Variants in HPCAL1 observed in about 807,000 individuals in gnomAD.
HPCAL1 encodes hippocalcin like 1.
A neutral mutation model predicts 17.1 loss-of-function variants in HPCAL1; 8 were observed. The observed-to-expected ratio is 0.47, with a 90% CI of 0.27 to 0.84. HPCAL1 has a LOEUF of 0.84. Ranked by LOEUF, HPCAL1 falls within the 40% of genes least tolerant of loss-of-function variation. The pLI is 0.13. For missense variants in HPCAL1, 165 were observed against 271.1 expected (o/e 0.61, Z 2.75); for synonymous variants, 112 against 111.4 (o/e 1.01, Z -0.03).
chr2:10,365,160 A>C lies in HPCAL1; in HGVS notation c.-110-31675A>C, dbSNP rs978357908. 6.6e-6 allele frequency among the ~76,000 whole-genome samples: 1 copy of C among 152,164 alleles called. No individual in the cohort carries two copies. Among genetic ancestry groups the C allele is most frequent in the South Asian group, 2.1e-4 (1 of 4,832 alleles). On this transcript the variant is annotated intron_variant, in intron 1 of 4. Coordinates refer to ENST00000307845, the MANE Select transcript of HPCAL1 (RefSeq NM_002149.4). This position sits in a 1 kb window ranked among gnomAD's most constrained non-coding sequence, Gnocchi z 4.8. Reference sequence around the variant, plus strand: ...ACCACCCGCCCTGAGTTCTGAACTTAGCCACCTCATGTACGGAAGGAGAAA... The same window carrying C: ...ACCACCCGCCCTGAGTTCTGAACTTCGCCACCTCATGTACGGAAGGAGAAA...
chr2:10,334,128 C>T (rs146436096), intron 1 of HPCAL1, among the ~76,000 whole-genome samples: 267 of 152,300 alleles, frequency 1.8e-3, no homozygotes, highest in African/African-American at 6.0e-3. Flanking sequence ...GCGCGTTTTA[C>T]GCTCTTGCTA....
At chr2:10,348,490 G>A (rs547879491) in intron 1 of HPCAL1, among the ~76,000 whole-genome samples, 2 of 151,832 alleles carry the variant, frequency 1.3e-5, no homozygotes, top group South Asian at 2.1e-4. Context: ...TGGGCCAGCT[G>A]TGGTGGTTCA....
chr2:10,411,340 C>T (rs1428303888), intron 2 of HPCAL1, among the ~76,000 whole-genome samples: 1 of 152,200 alleles, frequency 6.6e-6, no homozygotes, highest in Non-Finnish European at 1.5e-5. Context: ...CCCACCGAAG[C>T]CTCGGTCCCT....
At chr2:10,346,531 C>T (rs957162064) in intron 1 of HPCAL1, among the ~76,000 whole-genome samples, 3 of 152,118 alleles carry the variant, frequency 2.0e-5, no homozygotes, top group African/African-American at 7.2e-5. Flanking sequence ...TCTAGGTCTC[C>T]GTGCAGGCAT....
At chr2:10,339,374 C>T (rs547340915) in intron 1 of HPCAL1, among the ~76,000 whole-genome samples, 34 of 151,440 alleles carry the variant, frequency 2.2e-4, no homozygotes, top group South Asian at 8.3e-4. Context: ...GGTGCGATCT[C>T]GGCTCACTGC....
intron 1 of HPCAL1, among the ~76,000 whole-genome samples, chr2:10,389,284 G>T (rs762588711): frequency 6.6e-6 from 1 of 152,188 alleles, no homozygotes; most frequent in Non-Finnish European, 1.5e-5. Context: ...TTGCAGTGCC[G>T]CCTCTGAGCT....
rs2148052539 is a variant in HPCAL1 at position 10,426,052 on chromosome 2, CG to C, written c.485-671del. 5 of 152,518 alleles carry C rather than the reference CG, an allele frequency of 3.3e-5. No individual in the cohort carries two copies. In the South Asian group the frequency reaches 1.0e-3, roughly 32 times the overall value. The allele number at this position is 152,518 out of a possible 1,614,324, so 9.4% of individuals were successfully genotyped here. On this transcript the variant is annotated intron_variant, in intron 4 of 4. Coordinates refer to ENST00000307845, the MANE Select transcript of HPCAL1 (RefSeq NM_002149.4). ...AAAACCTCACCCCACCCAGCTCAGC[CG>C]ATCAGCCTTACGGAGCCCTGCCCTA...
chr2:10,326,535 G>A (rs529410016), intron 1 of HPCAL1, among the ~76,000 whole-genome samples: 55 of 152,312 alleles, frequency 3.6e-4, no homozygotes, highest in African/African-American at 1.2e-3. Flanking sequence ...CCTGCCTTCC[G>A]CTTCCGTGCC....
At chr2:10,326,925 C>T (rs1664054807) in intron 1 of HPCAL1, among the ~76,000 whole-genome samples, 1 of 152,168 alleles carries the variant, frequency 6.6e-6, no homozygotes, top group Admixed American at 6.5e-5. Flanking sequence ...CTGTGCCCCA[C>T]ATGCCCCGGC....
Position 10,331,790 on chromosome 2 carries a change from C to T in HPCAL1, c.-111+28613C>T, listed in dbSNP as rs1664399361. 6.6e-6 allele frequency among the ~76,000 whole-genome samples: 1 copy of T among 152,136 alleles called. No individual in the cohort carries two copies. The highest frequency in any genetic ancestry group is 1.5e-5 in the Non-Finnish European group (1 of 68,030). ...GCCATCAACTGCTTGGTGACATTGG[C>T]CAATCCTGTGGTGGCCCCAGCTGGG... On this transcript the variant is annotated intron_variant, in intron 1 of 4. Transcript: ENST00000307845. The surrounding 1 kb of genome is among the most constrained non-coding windows in gnomAD (Gnocchi z 5.0).
chr2:10,309,046 T>C lies in HPCAL1; in HGVS notation c.-111+5869T>C, dbSNP rs553706842. Reference sequence around the variant, plus strand: ...AGACCCTGCTTCTTAACAAACTTTTTTTTTTTGAGATAGGGTCTTGCTCTG... The same window carrying C: ...AGACCCTGCTTCTTAACAAACTTTTCTTTTTTGAGATAGGGTCTTGCTCTG... On this transcript the variant is annotated intron_variant, in intron 1 of 4. Transcript: ENST00000307845. Among the ~76,000 whole-genome samples, 5 of 152,066 alleles carry C rather than the reference T, an allele frequency of 3.3e-5. No homozygotes were observed. In the South Asian group the frequency reaches 8.3e-4, roughly 25 times the overall value.
intron 1 of HPCAL1, among the ~76,000 whole-genome samples, chr2:10,361,504 G>T (rs1666524452): frequency 6.6e-6 from 1 of 152,134 alleles, no homozygotes; most frequent in Non-Finnish European, 1.5e-5. Flanking sequence ...AGGGACTTGA[G>T]GTGGATGATT....
At chr2:10,360,084 T>C (rs1036724466) in intron 1 of HPCAL1, among the ~76,000 whole-genome samples, 2 of 152,164 alleles carry the variant, frequency 1.3e-5, no homozygotes, top group African/African-American at 4.8e-5. Flanking sequence ...AGAGCTTTGC[T>C]GGAGGAAGTG....
At position 10,411,700 on chromosome 2, in the gene HPCAL1, G is replaced by A. The variant is rs553500809; in HGVS notation, c.-24-8034G>A. Among the ~76,000 whole-genome samples the A allele has an allele frequency of 3.0e-4, 46 of 152,278 alleles. No homozygotes were observed. In the South Asian group the frequency reaches 7.5e-3, roughly 25 times the overall value. Reference sequence around the variant, plus strand: ...CTGGGATTCGGCACTCAGAGGGCCCGACAGCCTGGAATACACTGAGCACCC... The same window carrying A: ...CTGGGATTCGGCACTCAGAGGGCCCAACAGCCTGGAATACACTGAGCACCC... On this transcript the variant is annotated intron_variant, in intron 2 of 4. Transcript: ENST00000307845.
intron 1 of HPCAL1, among the ~76,000 whole-genome samples, chr2:10,324,816 GTTTTTTTTTTTTTT>G (rs3036350): frequency 0.14 from 9,237 of 67,370 alleles, 577 homozygotes; most frequent in Middle Eastern, 0.29. Context: ...TGGTTTTTGT[GTTTTTTTTTTTTTT>G]TTTTTTTTTT....
At position 10,359,298 on chromosome 2, in the gene HPCAL1, G is replaced by A. The variant is rs114267151; in HGVS notation, c.-110-37537G>A. Among the ~76,000 whole-genome samples, 207 of 152,276 alleles carry A rather than the reference G, an allele frequency of 1.4e-3. 1 individual carries two copies. The highest frequency in any genetic ancestry group is 4.9e-3 in the African/African-American group (202 of 41,558). On this transcript the variant is annotated intron_variant, in intron 1 of 4. Coordinates refer to ENST00000307845, the MANE Select transcript of HPCAL1 (RefSeq NM_002149.4). This position sits in a 1 kb window ranked among gnomAD's most constrained non-coding sequence, Gnocchi z 4.1. ...TCGGCGAGGGGGAGGTGGGCAGCTG[G>A]GGGCTCTCTGGACCCTGCGGCTGGC... is the stretch of plus-strand genomic sequence containing the variant.
chr2:10,368,057 CAT>C (rs545825210), intron 1 of HPCAL1, among the ~76,000 whole-genome samples: 61 of 151,586 alleles, frequency 4.0e-4, no homozygotes, highest in African/African-American at 1.1e-3. Flanking sequence ...CAAAGCTTTC[CAT>C]GTGTGTGTCC....
At chr2:10,313,155 T>A (rs11695331) in intron 1 of HPCAL1, among the ~76,000 whole-genome samples, 7,882 of 152,278 alleles carry the variant, frequency 0.052, 295 homozygotes, top group African/African-American at 0.1. Flanking sequence ...TCTAGAAGAT[T>A]CTGGGAGAAT....
chr2:10,423,060 C>T lies in HPCAL1; in HGVS notation c.456C>T (p.Ile152=), dbSNP rs1486817489. ...CCCCGGAGAAGCGCACAGACAAGATCTTCAGGCAGATGGACACCAACAATG... is the reference window on the plus strand; with the variant it reads ...CCCCGGAGAAGCGCACAGACAAGATTTTCAGGCAGATGGACACCAACAATG... ...ESTPEKRTDK[I]FRQMDTNNDG... Residue 152 remains isoleucine, a synonymous_variant, in exon 4 of 5, where the codon ATC becomes ATT. Coordinates refer to ENST00000307845, the MANE Select transcript of HPCAL1 (RefSeq NM_002149.4). 6.2e-7 allele frequency: 1 copy of T among 1,613,356 alleles called. No individual in the cohort carries two copies.
Sources: allele counts gnomAD v4.1 joint callset (sites outside exome capture counted in the v4.1 genomes callset), GRCh38; gene constraint gnomAD v4.1.1; non-coding constraint Gnocchi (gnomAD v3.1); transcripts MANE v1.5; gene names NCBI Gene and HGNC (gene_info 2026-07-23, HGNC 2026-07-21).